SLC22A25: variants seen among roughly 807,000 people sequenced by gnomAD.
The protein encoded by SLC22A25 is solute carrier family 22 member 25.
A neutral mutation model predicts 45.9 loss-of-function variants in SLC22A25; 44 were observed. The ratio of observed to expected loss-of-function variants is 0.96; its 90% CI spans 0.75 to 1.23. SLC22A25 has a LOEUF of 1.23. SLC22A25 is among the 50% of genes most tolerant of loss of function. SLC22A25 has a pLI of 0.00. For missense variants in SLC22A25, 800 were observed against 666.4 expected (o/e 1.20, Z -2.21); for synonymous variants, 283 against 238.6 (o/e 1.19, Z -1.72).
At chr11:63,197,766 C>A (rs1202318295) in intron 7 of SLC22A25, among the ~76,000 whole-genome samples, 2 of 151,684 alleles carry the variant, frequency 1.3e-5, no homozygotes, top group African/African-American at 4.9e-5. Context: ...GCAAAAGATG[C>A]TACCATCAGA....
At chr11:63,184,661 A>T (rs1210093756) in intron 7 of SLC22A25, among the ~76,000 whole-genome samples, 1 of 152,172 alleles carries the variant, frequency 6.6e-6, no homozygotes, top group East Asian at 1.9e-4. Context: ...ATCATCCAAT[A>T]TCACCTACGA....
chr11:63,189,551 G>T (rs1039878310), intron 7 of SLC22A25, among the ~76,000 whole-genome samples: 2 of 152,060 alleles, frequency 1.3e-5, no homozygotes, highest in African/African-American at 4.8e-5. Flanking sequence ...TACATTTGAG[G>T]GTAATATTGT....
At chr11:63,235,094 A>G (rs748635644) in intron 3 of SLC22A25, among the ~76,000 whole-genome samples, 23 of 151,960 alleles carry the variant, frequency 1.5e-4, no homozygotes, top group Non-Finnish European at 3.1e-4. Context: ...CTTCGTTTCA[A>G]CTTTGGTGAA....
chr11:63,227,525 A>T (rs975096032), intron 5 of SLC22A25, among the ~76,000 whole-genome samples: 1 of 152,142 alleles, frequency 6.6e-6, no homozygotes, highest in Admixed American at 6.5e-5. Context: ...CAAGTTGTGA[A>T]AAAAAGTCAT....
In SLC22A25 at chr11:63,228,582, C is replaced by G; in HGVS notation, c.403-18G>C. ...AGATCCCACTGGAAGAAAAGGAAACCCTCATATCAATGCTTATAGCCCCTC... is the reference window on the plus strand; with the variant it reads ...AGATCCCACTGGAAGAAAAGGAAACGCTCATATCAATGCTTATAGCCCCTC... On this transcript the variant is annotated intron_variant, in intron 4 of 11. Coordinates refer to ENST00000306494, the MANE Select transcript of SLC22A25 (RefSeq NM_199352.6). The G allele has an allele frequency of 6.3e-7, 1 of 1,580,522 alleles. No homozygotes were observed.
At position 63,217,341 on chromosome 11, in the gene SLC22A25, G is replaced by A; in HGVS notation, c.803C>T (p.Pro268Leu). 1.2e-6 allele frequency: 2 copies of A among 1,613,824 alleles called. No homozygotes were observed. Among genetic ancestry groups the A allele is most frequent in the Non-Finnish European group, 1.7e-6 (2 of 1,179,956 alleles). Residue 268 changes from proline to leucine, a missense_variant, in exon 7 of 12, where the codon CCA becomes CTA. Coordinates refer to ENST00000306494, the MANE Select transcript of SLC22A25 (RefSeq NM_199352.6). ...QCILQLVMSA[P>L]CFVFFLFSRW... is the part of the protein sequence containing the mutation. ...TGAGAACAGAAAGAAGACAAAGCAT[G>A]GTGCAGACATCACCAACTGGAGGAT...
At chr11:63,241,776 C>T (rs912352317) in intron 1 of SLC22A25, among the ~76,000 whole-genome samples, 1 of 152,128 alleles carries the variant, frequency 6.6e-6, no homozygotes, top group Non-Finnish European at 1.5e-5. Context: ...AACAGACACC[C>T]AAGCACCTGA....
At position 63,162,516 on chromosome 11, in the gene SLC22A25, A is replaced by G. The variant is rs1158701554; in HGVS notation, c.*1308T>C. ...TTTTGGAACTATTTTTTATGTTCTT[A>G]TAAAAGTATGCAGCTTGAAAATGAG... On this transcript the variant is annotated 3_prime_UTR_variant, in exon 12 of 12. Transcript: ENST00000306494. 6.6e-6 allele frequency among the ~76,000 whole-genome samples: 1 copy of G among 152,130 alleles called. No homozygotes were observed. Among genetic ancestry groups the G allele is most frequent in the African/African-American group, 2.4e-5 (1 of 41,450 alleles).
chr11:63,212,883 G>A (rs942573882), intron 7 of SLC22A25, among the ~76,000 whole-genome samples: 1 of 152,086 alleles, frequency 6.6e-6, no homozygotes, highest in Non-Finnish European at 1.5e-5. Context: ...AGTGACAATT[G>A]TGTGCTATTA....
chr11:63,231,942 T>G (rs2134847384), intron 3 of SLC22A25, among the ~76,000 whole-genome samples: 1 of 152,328 alleles, frequency 6.6e-6, no homozygotes, highest in Admixed American at 6.5e-5. Flanking sequence ...CGGATAGTTG[T>G]AGATATGTGG....
chr11:63,180,062 T>C (rs1040248220), intron 9 of SLC22A25, among the ~76,000 whole-genome samples: 14 of 152,312 alleles, frequency 9.2e-5, no homozygotes, highest in African/African-American at 3.4e-4. Flanking sequence ...ATTACTCTTC[T>C]TGCCCATTTC....
At position 63,228,461 on chromosome 11, in the gene SLC22A25, C is replaced by A. The variant is rs1441706259; in HGVS notation, c.506G>T (p.Arg169Met). The A allele has an allele frequency of 6.3e-7, 1 of 1,598,026 alleles. No individual in the cohort carries two copies. Among genetic ancestry groups the A allele is most frequent in the Admixed American group, 1.7e-5 (1 of 59,856 alleles). Reference protein sequence around the residue: ...GGNLYGHLSDRFGRKFVLRWS... With the variant: ...GGNLYGHLSDMFGRKFVLRWS... ...AGAGCTATGCTCCATAGACACTCAC[C>A]TGTCTGACAAATGGCCATATAGGTT... Residue 169 changes from arginine to methionine, a missense_variant and splice_region_variant, in exon 5 of 12, where the codon AGG becomes ATG. Arg to Met is a moderately conservative substitution (Grantham distance 91). Coordinates refer to ENST00000306494, the MANE Select transcript of SLC22A25 (RefSeq NM_199352.6).
Position 63,166,079 on chromosome 11 carries a change from G to A in SLC22A25, c.1250C>T (p.Ala417Val). The change falls in exon 10 of 12, where the codon GCA becomes GTA. Residue 417 changes from alanine to valine, a missense_variant. By Grantham distance (64) the Ala-to-Val change is moderately conservative. Transcript: ENST00000306494. Reference protein sequence around the residue: ...LSQMLLMFLLATCLLAIIFVP... With the variant: ...LSQMLLMFLLVTCLLAIIFVP... ...AAATATGATGGCCAGAAGGCAGGTT[G>A]CCAGTAGGAACATGAGAAGCATCTG... 6.2e-7 allele frequency: 1 copy of A among 1,613,958 alleles called. No homozygotes were observed. The highest frequency in any genetic ancestry group is 1.7e-5 in the Admixed American group (1 of 60,008).
rs951734396 is a variant in SLC22A25, at chr11:63,160,974, C to G, written c.*2850G>C. On this transcript the variant is annotated 3_prime_UTR_variant, in exon 12 of 12. Coordinates refer to ENST00000306494, the MANE Select transcript of SLC22A25 (RefSeq NM_199352.6). The stretch of plus-strand genomic sequence containing the variant: ...AAAGTAAAGCTAACATTTGACCCAA[C>G]AGTTCCACTGCACCATTGTATTAGT... Among the ~76,000 whole-genome samples, 1 of 152,200 alleles carries G rather than the reference C, an allele frequency of 6.6e-6. No individual in the cohort carries two copies. The highest frequency in any genetic ancestry group is 1.9e-4 in the East Asian group (1 of 5,196).
intron 7 of SLC22A25, among the ~76,000 whole-genome samples, chr11:63,188,868 C>T (rs2088675724): frequency 6.6e-6 from 1 of 152,186 alleles, no homozygotes; most frequent in South Asian, 2.1e-4. Context: ...GAGTGAGTTT[C>T]TTAATCCTGA....
chr11:63,212,851 T>G (rs933276905), intron 7 of SLC22A25, among the ~76,000 whole-genome samples: 1 of 151,878 alleles, frequency 6.6e-6, no homozygotes, highest in African/African-American at 2.4e-5. Flanking sequence ...TGGCCACAGA[T>G]CTTGAGGCTT....
intron 5 of SLC22A25, among the ~76,000 whole-genome samples, chr11:63,221,401 T>C (rs1160069477): frequency 2.0e-5 from 3 of 152,198 alleles, no homozygotes; most frequent in Non-Finnish European, 4.4e-5. Context: ...CATTTTCATA[T>C]ACCTGTTTGT....
At chr11:63,225,436 A>G (rs559047911) in intron 5 of SLC22A25, among the ~76,000 whole-genome samples, 7 of 152,140 alleles carry the variant, frequency 4.6e-5, no homozygotes, top group Admixed American at 6.6e-5. Context: ...CTTCTTCAGC[A>G]CTTTAAGTAT....
At chr11:63,212,632 G>A (rs539190441) in intron 7 of SLC22A25, among the ~76,000 whole-genome samples, 40 of 142,370 alleles carry the variant, frequency 2.8e-4, no homozygotes, top group African/African-American at 8.4e-4. Context: ...ACACATGGAC[G>A]CAGGAAGGGG....
Sources: allele counts gnomAD v4.1 joint callset (sites outside exome capture counted in the v4.1 genomes callset), GRCh38; gene constraint gnomAD v4.1.1; transcripts MANE v1.5; gene names NCBI Gene and HGNC (gene_info 2026-07-23, HGNC 2026-07-21).